C12orf54: variants seen among roughly 807,000 people sequenced by gnomAD.
The protein encoded by C12orf54 is uncharacterized protein C12orf54.
Under a neutral mutation model 26.4 loss-of-function variants are expected in C12orf54, and 24 were observed. The ratio of observed to expected loss-of-function variants is 0.91; its 90% CI spans 0.66 to 1.28. The LOEUF (loss-of-function observed/expected upper bound fraction) is 1.28. Ranked by LOEUF, C12orf54 falls within the 50% of genes most tolerant of loss-of-function variation. The pLI, the probability that C12orf54 is intolerant of heterozygous loss-of-function variation, is 0.00. For synonymous variants in C12orf54, 54 were observed against 47.0 expected (o/e 1.15, Z -0.61); for missense variants, 154 against 150.9 (o/e 1.02, Z -0.11).
At chr12:48,486,537 G>T in intron 3 of C12orf54, 151 bp from the exon 4 acceptor site, 1 of 753,138 alleles carries the variant, frequency 1.3e-6, no homozygotes, top group Non-Finnish European at 2.2e-6. Context: ...AGGGCTGCAG[G>T]AGACTTTTGG....
chr12:48,438,411 T>C, the C12orf54 span, among the ~76,000 whole-genome samples: 2 of 152,128 alleles, frequency 1.3e-5, no homozygotes, highest in Non-Finnish European at 2.9e-5. Flanking sequence ...TACTTTAAAG[T>C]TCATATGGAA....
At chr12:48,433,715 G>T in the C12orf54 span, among the ~76,000 whole-genome samples, 1 of 152,176 alleles carries the variant, frequency 6.6e-6, no homozygotes. Flanking sequence ...CCAAAGTACT[G>T]GAATTACAGG....
chr12:48,416,955 G>A, the C12orf54 span, among the ~76,000 whole-genome samples: 3 of 152,056 alleles, frequency 2.0e-5, no homozygotes, highest in Non-Finnish European at 2.9e-5. Context: ...GGATGAGTTT[G>A]GTATGATCTC....
the C12orf54 span, chr12:48,441,904 T>G: frequency 9.2e-5 from 14 of 152,220 alleles, no homozygotes; most frequent in African/African-American, 3.1e-4. Flanking sequence ...CACCTTTTCT[T>G]AAATATTTTT....
At chr12:48,458,718 G>A in the C12orf54 span, among the ~76,000 whole-genome samples, 2 of 146,102 alleles carry the variant, frequency 1.4e-5, no homozygotes, top group Non-Finnish European at 3.0e-5. Flanking sequence ...CTCCACAGAG[G>A]ATACCTTGAT....
chr12:48,467,630 C>CA, the C12orf54 span, among the ~76,000 whole-genome samples: 2 of 151,948 alleles, frequency 1.3e-5, no homozygotes, highest in East Asian at 3.9e-4. Context: ...ATGGTTGCTT[C>CA]AGGATGGGAG....
the C12orf54 span, among the ~76,000 whole-genome samples, chr12:48,457,130 G>A: frequency 1.3e-5 from 2 of 151,836 alleles, no homozygotes; most frequent in African/African-American, 4.8e-5. Context: ...GCACATCGTG[G>A]GTAATCCATA....
the C12orf54 span, among the ~76,000 whole-genome samples, chr12:48,420,353 C>T: frequency 6.6e-6 from 1 of 152,206 alleles, no homozygotes; most frequent in Non-Finnish European, 1.5e-5. Context: ...TTCACCTCAG[C>T]TTGACTAAAC....
chr12:48,422,735 A>C, the C12orf54 span, among the ~76,000 whole-genome samples: 1 of 152,348 alleles, frequency 6.6e-6, no homozygotes, highest in Admixed American at 6.5e-5. Context: ...TTGGAAAGAC[A>C]GTGAAAATAT....
At chr12:48,415,381 C>A in the C12orf54 span, among the ~76,000 whole-genome samples, 1 of 152,200 alleles carries the variant, frequency 6.6e-6, no homozygotes, top group African/African-American at 2.4e-5. Flanking sequence ...TTCAACTTAT[C>A]CTAGCTAGCT....
At chr12:48,443,658 A>C in the C12orf54 span, among the ~76,000 whole-genome samples, 14 of 152,180 alleles carry the variant, frequency 9.2e-5, no homozygotes, top group African/African-American at 3.4e-4. Flanking sequence ...TATGTGATCT[A>C]TTCAGATTCA....
At chr12:48,438,018 C>A in the C12orf54 span, among the ~76,000 whole-genome samples, 1 of 152,262 alleles carries the variant, frequency 6.6e-6, no homozygotes, top group Non-Finnish European at 1.5e-5. Context: ...TGTAACAGCC[C>A]AAAATCTCCT....
the C12orf54 span, among the ~76,000 whole-genome samples, chr12:48,433,449 T>G: frequency 2.6e-5 from 1 of 39,094 alleles, no homozygotes; most frequent in African/African-American, 9.9e-5. Context: ...GCAACAAGCT[T>G]TTTTTTGGGG....
At chr12:48,426,079 T>C in the C12orf54 span, among the ~76,000 whole-genome samples, 3 of 152,190 alleles carry the variant, frequency 2.0e-5, no homozygotes, top group African/African-American at 7.2e-5. Context: ...GCAGAAGTTC[T>C]CAAGTGTAAT....
At chr12:48,482,211 C>G (rs1954205683), upstream of C12orf54, among the ~76,000 whole-genome samples, 1 of 152,188 alleles carries the variant, frequency 6.6e-6, no homozygotes, top group Non-Finnish European at 1.5e-5. Flanking sequence ...TTTCTCAGAC[C>G]TGATTTTGAA....
At chr12:48,445,004 C>G in the C12orf54 span, among the ~76,000 whole-genome samples, 3 of 152,058 alleles carry the variant, frequency 2.0e-5, no homozygotes, top group Non-Finnish European at 2.9e-5. Flanking sequence ...AACCCTGGCT[C>G]TACTAAAAAT....
At chr12:48,478,472 A>T (rs1226420092), upstream of C12orf54, among the ~76,000 whole-genome samples, 1 of 152,242 alleles carries the variant, frequency 6.6e-6, no homozygotes, top group Admixed American at 6.5e-5. Context: ...CTGTTTGCAG[A>T]TGACATGTTT....
chr12:48,455,367 T>G, the C12orf54 span, among the ~76,000 whole-genome samples: 1 of 152,238 alleles, frequency 6.6e-6, no homozygotes, highest in South Asian at 2.1e-4. Context: ...TCTAGGTTGA[T>G]TCCATGTCTT....
chr12:48,486,821 C>T (rs1362595184), intron 4 of C12orf54, 95 bp downstream of exon 4: 39 of 1,304,134 alleles, frequency 3.0e-5, no homozygotes, highest in Middle Eastern at 1.9e-4. Flanking sequence ...TTTCCTTGAG[C>T]GGTTTGTTGA....
Sources: allele counts gnomAD v4.1 joint callset (sites outside exome capture counted in the v4.1 genomes callset), GRCh38; gene constraint gnomAD v4.1.1; transcripts MANE v1.5; gene names NCBI Gene and HGNC (gene_info 2026-07-23, HGNC 2026-07-21).